SLC4A5: variants seen among roughly 807,000 people sequenced by gnomAD.
The protein encoded by SLC4A5 is solute carrier family 4 member 5.
Under a neutral mutation model 120.4 loss-of-function variants are expected in SLC4A5, and 96 were observed. The observed-to-expected ratio is 0.80, with a 90% CI of 0.68 to 0.94. The LOEUF (loss-of-function observed/expected upper bound fraction) is 0.94, where lower values mean the gene tolerates loss of function less well. Among genes scored for constraint, SLC4A5 ranks in the 40% least tolerant of loss-of-function variants. The pLI is 0.00. For synonymous variants in SLC4A5, 550 were observed against 571.1 expected, an observed-to-expected ratio of 0.96 and a Z score of 0.53; for missense variants, 1,259 against 1,459.5, an observed-to-expected ratio of 0.86 and a Z score of 2.24.
chr2:74,258,432 C>A (rs1229846967), intron 12 of SLC4A5, among the ~76,000 whole-genome samples: 3 of 152,232 alleles, frequency 2.0e-5, no homozygotes, highest in Admixed American at 6.5e-5. Flanking sequence ...CTCACACATT[C>A]ATTAAAACAG....
chr2:74,274,097 T>C (rs1054276327), intron 8 of SLC4A5, among the ~76,000 whole-genome samples: 1 of 152,230 alleles, frequency 6.6e-6, no homozygotes, highest in Admixed American at 6.5e-5. Context: ...ATGTATTATC[T>C]CATCTAATCC....
At chr2:74,242,163 C>CTA in intron 19 of SLC4A5, 111 bp from the exon 20 acceptor site, 1 of 943,444 alleles carries the variant, frequency 1.1e-6, no homozygotes, top group Non-Finnish European at 1.6e-6. Context: ...GCCTGGCTTC[C>CTA]ATTGTGAGGG....
At chr2:74,340,837 T>C (rs1281472205) in intron 2 of SLC4A5, among the ~76,000 whole-genome samples, 2 of 152,152 alleles carry the variant, frequency 1.3e-5, no homozygotes, top group African/African-American at 4.8e-5. Flanking sequence ...CGGGCCTCTG[T>C]TCTTTAGCAG....
chr2:74,265,835 G>C (rs1190088112), intron 8 of SLC4A5, among the ~76,000 whole-genome samples: 1 of 152,142 alleles, frequency 6.6e-6, no homozygotes, highest in Non-Finnish European at 1.5e-5. Context: ...GCCATCCAGG[G>C]AAGGAAAGAA....
At position 74,255,659 on chromosome 2, in the gene SLC4A5, G is replaced by A. The variant is rs1670940831; in HGVS notation, c.1025+116C>T. The A allele has an allele frequency of 8.4e-7, 1 of 1,194,828 alleles. No homozygotes were observed. Among genetic ancestry groups the A allele is most frequent in the Non-Finnish European group, 1.2e-6 (1 of 854,180 alleles). The allele number at this position is 1,194,828 out of a possible 1,614,324, so 74.0% of individuals were successfully genotyped here. ...AGTCAGAAGATTTCCCTTCCCAGCA[G>A]CCTCCACGTTTAGAGGTGCCTTTGA... On this transcript the variant is annotated intron_variant, in intron 13 of 30. Coordinates refer to ENST00000394019, the Ensembl canonical transcript of SLC4A5. The surrounding 1 kb of genome is among the most constrained non-coding windows in gnomAD (Gnocchi z 4.0).
chr2:74,266,030 A>G (rs1418227544), intron 8 of SLC4A5, among the ~76,000 whole-genome samples: 1 of 152,194 alleles, frequency 6.6e-6, no homozygotes, highest in Non-Finnish European at 1.5e-5. Flanking sequence ...TGCAACTGAA[A>G]TCCCAAGGGA....
At chr2:74,343,209 G>C (rs761931503) in intron 1 of SLC4A5, 147 bp downstream of exon 1, 2 of 152,108 alleles carry the variant, frequency 1.3e-5, no homozygotes, top group African/African-American at 4.8e-5. Flanking sequence ...TCTTGTACAG[G>C]CCTTTAGCAA....
chr2:74,246,983 G>A, intron 19 of SLC4A5, 53 bp downstream of exon 19: 1 of 1,591,824 alleles, frequency 6.3e-7, no homozygotes, highest in Admixed American at 1.7e-5. Flanking sequence ...TGAAGGATCA[G>A]GGGGCCGGTG....
At chr2:74,309,643 G>A (rs1033947505) in intron 6 of SLC4A5, among the ~76,000 whole-genome samples, 14 of 151,478 alleles carry the variant, frequency 9.2e-5, no homozygotes, top group Admixed American at 2.6e-4. Context: ...ATTTTCCTAC[G>A]CATGAACATG....
chr2:74,301,767 C>T (rs1334398808), intron 7 of SLC4A5, among the ~76,000 whole-genome samples: 2 of 152,212 alleles, frequency 1.3e-5, no homozygotes, highest in African/African-American at 4.8e-5. Flanking sequence ...GTTGAGACTT[C>T]CACTCCGTGA....
chr2:74,313,349 C>G (rs1422603700), intron 6 of SLC4A5, among the ~76,000 whole-genome samples: 1 of 152,168 alleles, frequency 6.6e-6, no homozygotes, highest in Non-Finnish European at 1.5e-5. Flanking sequence ...TGTTTCTCAG[C>G]TGAACTATGG....
At chr2:74,297,307 T>C (rs1001034376) in intron 7 of SLC4A5, among the ~76,000 whole-genome samples, 3 of 152,214 alleles carry the variant, frequency 2.0e-5, no homozygotes, top group African/African-American at 7.2e-5. Flanking sequence ...TCTATTTATC[T>C]CTCATTTAAC....
chr2:74,257,278 G>A (rs1008675891), intron 12 of SLC4A5, among the ~76,000 whole-genome samples: 10 of 152,030 alleles, frequency 6.6e-5, no homozygotes, highest in Admixed American at 4.6e-4. Context: ...CAACCACCTG[G>A]GCAACCATCA....
chr2:74,289,736 T>C (rs917966641), intron 7 of SLC4A5, among the ~76,000 whole-genome samples: 3 of 152,198 alleles, frequency 2.0e-5, no homozygotes, highest in Admixed American at 6.5e-5. Flanking sequence ...AATAACCTTA[T>C]TTTTTCTTAA....
chr2:74,269,610 G>A (rs1035333386), intron 8 of SLC4A5, among the ~76,000 whole-genome samples: 1 of 148,664 alleles, frequency 6.7e-6, no homozygotes, highest in Non-Finnish European at 1.5e-5. Flanking sequence ...GCCTTTTATT[G>A]TTTTTTTTTT....
chr2:74,223,297 G>A (rs913295844), intron 28 of SLC4A5, among the ~76,000 whole-genome samples: 15 of 152,132 alleles, frequency 9.9e-5, no homozygotes, highest in East Asian at 5.8e-4. Flanking sequence ...GAGCCACCGC[G>A]CGTGGCCAAC....
chr2:74,231,095 C>A (rs1670065008), intron 25 of SLC4A5, 141 bp downstream of exon 25: 4 of 692,102 alleles, frequency 5.8e-6, no homozygotes, highest in Non-Finnish European at 9.4e-6. Flanking sequence ...GTGTGAGCCA[C>A]CATGCCCGGC....
At chr2:74,239,047 C>A (rs1313595834) in intron 21 of SLC4A5, among the ~76,000 whole-genome samples, 2 of 152,172 alleles carry the variant, frequency 1.3e-5, no homozygotes, top group Non-Finnish European at 2.9e-5. Flanking sequence ...CCAATAAACA[C>A]AGGAATAGCT....
intron 19 of SLC4A5, 67 bp downstream of exon 19, chr2:74,246,969 G>C: frequency 6.4e-7 from 1 of 1,571,620 alleles, no homozygotes; most frequent in Non-Finnish European, 8.7e-7. Flanking sequence ...GTAGAGAGCT[G>C]TGGTGAAGGA....
Sources: allele counts gnomAD v4.1 joint callset (sites outside exome capture counted in the v4.1 genomes callset), GRCh38; gene constraint gnomAD v4.1.1; non-coding constraint Gnocchi (gnomAD v3.1); transcripts MANE v1.5; gene names NCBI Gene and HGNC (gene_info 2026-07-23, HGNC 2026-07-21).